HEMGN: variants seen among roughly 807,000 people sequenced by gnomAD.
HEMGN encodes the protein erythroid differentiation-associated gene protein.
HEMGN carries 32 observed loss-of-function variants against 45.7 expected under a neutral mutation model. That is an observed-to-expected ratio of 0.70 (90% CI 0.53 to 0.94). The LOEUF is 0.94. HEMGN is among the 40% of genes least tolerant of loss of function. The pLI is 0.00. For synonymous variants in HEMGN, 183 were observed against 178.6 expected, an observed-to-expected ratio of 1.02 and a Z score of -0.20; for missense variants, 530 against 564.2, an observed-to-expected ratio of 0.94 and a Z score of 0.61.
chr9:97,940,001 T>A (rs959303680), upstream of HEMGN, among the ~76,000 whole-genome samples: 7 of 152,246 alleles, frequency 4.6e-5, no homozygotes, highest in Non-Finnish European at 7.3e-5. Flanking sequence ...AGTGTTTTTT[T>A]AAATATTGGT....
chr9:97,927,337 A>G lies in HEMGN; in HGVS notation c.*47T>C, dbSNP rs1826845902. ...ATTTTGAGAAAATCACGCATAAACT[A>G]TTAAGCTGTATGTTCCATTGGACCA... On this transcript the variant is annotated 3_prime_UTR_variant, in exon 4 of 4. Coordinates refer to ENST00000616898, the MANE Select transcript of HEMGN (RefSeq NM_197978.3). The G allele has an allele frequency of 9.8e-7, 1 of 1,021,338 alleles. No homozygotes were observed. Among genetic ancestry groups the G allele is most frequent in the African/African-American group, 1.6e-5 (1 of 62,234 alleles). 63.3% of individuals were successfully genotyped at this position (1,021,338 alleles called of 1,614,324 possible).
intron 2 of HEMGN, among the ~76,000 whole-genome samples, chr9:97,931,542 A>G (rs563332072): frequency 1.3e-5 from 2 of 152,342 alleles, no homozygotes; most frequent in East Asian, 3.9e-4. Context: ...GTTATGGAAA[A>G]TAAATAATTC....
At chr9:97,929,141 T>C (rs895127043) in intron 3 of HEMGN, among the ~76,000 whole-genome samples, 12 of 152,228 alleles carry the variant, frequency 7.9e-5, no homozygotes, top group African/African-American at 2.9e-4. Flanking sequence ...ATGAAGCAGT[T>C]AGGAATCAGG....
At chr9:97,935,103 A>T (rs1301110125) in intron 2 of HEMGN, among the ~76,000 whole-genome samples, 1 of 152,202 alleles carries the variant, frequency 6.6e-6, no homozygotes, top group Non-Finnish European at 1.5e-5. Flanking sequence ...TTCTCTTCCC[A>T]CTATTCTGCT....
chr9:97,939,722 G>A (rs1827123933), upstream of HEMGN, among the ~76,000 whole-genome samples: 1 of 152,148 alleles, frequency 6.6e-6, no homozygotes, highest in South Asian at 2.1e-4. Flanking sequence ...ACACTAAAGG[G>A]TATCGAGAAT....
chr9:97,940,792 A>G (rs1040780266), upstream of HEMGN, among the ~76,000 whole-genome samples: 2 of 152,190 alleles, frequency 1.3e-5, no homozygotes, highest in Non-Finnish European at 2.9e-5. Context: ...TCTCCACAGT[A>G]TGATCCGGTG....
At chr9:97,933,465 A>G (rs1396110985) in intron 2 of HEMGN, among the ~76,000 whole-genome samples, 1 of 152,188 alleles carries the variant, frequency 6.6e-6, no homozygotes, top group Non-Finnish European at 1.5e-5. Flanking sequence ...ATCAAGCCAT[A>G]TACATTATCC....
In HEMGN at chr9:97,936,169, A is replaced by G. The variant is rs779705074; in HGVS notation, c.173+2T>C. 2 of 1,598,448 alleles carry G rather than the reference A, an allele frequency of 1.3e-6. No individual in the cohort carries two copies. Among genetic ancestry groups the G allele is most frequent in the Non-Finnish European group, 1.7e-6 (2 of 1,165,864 alleles). The stretch of plus-strand genomic sequence containing the variant: ...TCCCTTTCCCTTGTGATGCTACCAT[A>G]CCCAAATAGCCATTGTGATGTTTCC... On this transcript the variant is annotated splice_donor_variant, in intron 2 of 3. Transcript: ENST00000616898. LOFTEE classifies it high-confidence loss of function.
upstream of HEMGN, among the ~76,000 whole-genome samples, chr9:97,941,127 G>T (rs561802931): frequency 1.3e-5 from 2 of 152,120 alleles, no homozygotes; most frequent in South Asian, 2.1e-4. Context: ...ACTGAGCTGG[G>T]CATAATAGGA....
chr9:97,936,394 T>C (rs994306428), intron 1 of HEMGN, 130 bp from the exon 2 acceptor site: 2 of 656,086 alleles, frequency 3.0e-6, no homozygotes, highest in Non-Finnish European at 5.4e-6. Flanking sequence ...GGACTGCATC[T>C]CATTTATCCT....
At position 97,930,447 on chromosome 9, in the gene HEMGN, TTGG is replaced by T; in HGVS notation, c.945_947del (p.His315del). The T allele has an allele frequency of 6.2e-7, 1 of 1,614,182 alleles. No homozygotes were observed. Among genetic ancestry groups the T allele is most frequent in the African/African-American group, 1.3e-5 (1 of 75,060 alleles). ...GAAGGTATTTAGGTTCAGCTGATTC[TTGG>T]TGTGTTTTTGTAGAAAGGTCTTTAG... is the stretch of plus-strand genomic sequence containing the variant. On this transcript the variant is annotated inframe_deletion, in exon 3 of 4. Transcript: ENST00000616898.
chr9:97,932,803 CAAAAAAAA>C (rs5899328), intron 2 of HEMGN, among the ~76,000 whole-genome samples: 1 of 87,292 alleles, frequency 1.1e-5, no homozygotes, highest in Admixed American at 1.2e-4. Flanking sequence ...GACTCTGTCT[CAAAAAAAA>C]AAAAAAAAAG....
chr9:97,927,911 T>C (rs1826860260), intron 3 of HEMGN, among the ~76,000 whole-genome samples: 1 of 152,038 alleles, frequency 6.6e-6, no homozygotes, highest in South Asian at 2.1e-4. Flanking sequence ...ATATTTATAA[T>C]AATCCTGAAA....
rs1039733242 is a variant in HEMGN, at chr9:97,927,317, G to C, written c.*67C>G. ...ATTGTCAAAAGTTTTACAATATTTT[G>C]AGAAAATCACGCATAAACTATTAAG... On this transcript the variant is annotated 3_prime_UTR_variant, in exon 4 of 4. Coordinates refer to ENST00000616898, the MANE Select transcript of HEMGN (RefSeq NM_197978.3). 1.2e-6 allele frequency: 1 copy of C among 846,946 alleles called. No homozygotes were observed. 52.5% of individuals were successfully genotyped at this position (846,946 alleles called of 1,614,324 possible).
intron 2 of HEMGN, among the ~76,000 whole-genome samples, chr9:97,932,256 C>T (rs2131553665): frequency 6.6e-6 from 1 of 152,124 alleles, no homozygotes; most frequent in Non-Finnish European, 1.5e-5. Context: ...AGATAAAAAC[C>T]AGTGTTTTTT....
At chr9:97,928,898 A>ACT (rs1372532194) in intron 3 of HEMGN, among the ~76,000 whole-genome samples, 2 of 152,250 alleles carry the variant, frequency 1.3e-5, no homozygotes, top group African/African-American at 4.8e-5. Context: ...TAGGATGGGT[A>ACT]CTGTCTCATT....
chr9:97,927,568 A>T lies in HEMGN; in HGVS notation c.1361-90T>A. On this transcript the variant is annotated intron_variant, in intron 3 of 3. Coordinates refer to ENST00000616898, the MANE Select transcript of HEMGN (RefSeq NM_197978.3). ...TTGGAGGAAGAAAAACTGCTTTACA[A>T]CATACACAACAACAAACCGTAGATG... 3.9e-6 allele frequency: 3 copies of T among 771,490 alleles called. No homozygotes were observed. The South Asian group carries it at 4.7e-5, about 12-fold the overall frequency. The allele number at this position is 771,490 out of a possible 1,614,324, so 47.8% of individuals were successfully genotyped here. A position where few individuals can be genotyped will look rare whatever the true frequency, so the allele number is the denominator to read the frequency against.
chr9:97,938,798 A>G (rs939727415), upstream of HEMGN, among the ~76,000 whole-genome samples: 1 of 152,242 alleles, frequency 6.6e-6, no homozygotes, highest in Admixed American at 6.5e-5. Flanking sequence ...AGAAATAGAC[A>G]TAAAGAACCA....
At position 97,926,828 on chromosome 9, in the gene HEMGN, AAATAC is replaced by A. The variant is rs1275219022; in HGVS notation, c.*551_*555del. ...TAATGATTTAATGTACATTGTGCAC[AAATAC>A]AATATTTAAAAAATAAAAATAGAAA... On this transcript the variant is annotated 3_prime_UTR_variant, in exon 4 of 4. Coordinates refer to ENST00000616898, the MANE Select transcript of HEMGN (RefSeq NM_197978.3). 2 of 152,682 alleles carry A rather than the reference AAATAC, an allele frequency of 1.3e-5. No individual in the cohort carries two copies. The highest frequency in any genetic ancestry group is 4.8e-5 in the African/African-American group (2 of 41,454). The allele number at this position is 152,682 out of a possible 1,614,324, so 9.5% of individuals were successfully genotyped here. A position where few individuals can be genotyped will look rare whatever the true frequency, so the allele number is the denominator to read the frequency against.
Sources: allele counts gnomAD v4.1 joint callset (sites outside exome capture counted in the v4.1 genomes callset), GRCh38; gene constraint gnomAD v4.1.1; transcripts MANE v1.5; gene names NCBI Gene and HGNC (gene_info 2026-07-23, HGNC 2026-07-21).